DAAM1: variants seen among roughly 807,000 people sequenced by gnomAD.
DAAM1 encodes dishevelled associated activator of morphogenesis 1.
A neutral mutation model predicts 130.0 loss-of-function variants in DAAM1; 52 were observed. That is an observed-to-expected ratio of 0.40 (90% CI 0.32 to 0.50). The LOEUF (loss-of-function observed/expected upper bound fraction) is 0.50. Among genes scored for constraint, DAAM1 ranks in the 20% least tolerant of loss-of-function variants. The pLI is 0.61. For missense variants in DAAM1, 1,134 were observed against 1,303.8 expected (o/e 0.87, Z 2.01); for synonymous variants, 452 against 444.5 (o/e 1.02, Z -0.21).
At chr14:59,298,736 A>G (rs1884053561) in intron 3 of DAAM1, among the ~76,000 whole-genome samples, 1 of 152,180 alleles carries the variant, frequency 6.6e-6, no homozygotes, top group African/African-American at 2.4e-5. Flanking sequence ...TGGTTTTTGA[A>G]TATTTATTTG....
intron 2 of DAAM1, chr14:59,264,141 T>G (rs147007864): frequency 5.0e-6 from 1 of 198,224 alleles, no homozygotes; most frequent in African/African-American, 2.3e-5. Context: ...ACATTATTAC[T>G]TCAGTACAGC....
chr14:59,281,360 A>G (rs556415552), intron 2 of DAAM1, among the ~76,000 whole-genome samples: 2 of 152,246 alleles, frequency 1.3e-5, no homozygotes, highest in African/African-American at 4.8e-5. Context: ...TTCTGCTCCA[A>G]AGGTGAAGTG....
intron 1 of DAAM1, among the ~76,000 whole-genome samples, chr14:59,232,844 C>T (rs979229534): frequency 3.3e-5 from 5 of 151,964 alleles, no homozygotes; most frequent in Non-Finnish European, 7.4e-5. Flanking sequence ...CTCCCTGTGT[C>T]ACGTATTCTC....
intron 15 of DAAM1, 43 bp from the exon 16 acceptor site, chr14:59,340,031 G>A (rs769230095): frequency 6.4e-7 from 1 of 1,558,634 alleles, no homozygotes; most frequent in Non-Finnish European, 8.8e-7. Flanking sequence ...AAGTCTGAAT[G>A]TCCCTGTTGG....
chr14:59,324,490 T>C, intron 8 of DAAM1, 36 bp downstream of exon 8: 1 of 1,444,564 alleles, frequency 6.9e-7, no homozygotes, highest in Non-Finnish European at 9.4e-7. Flanking sequence ...AAAGTTTCTG[T>C]GTTTCCCATC....
chr14:59,305,844 A>G (rs778219227), intron 3 of DAAM1, among the ~76,000 whole-genome samples: 3 of 152,150 alleles, frequency 2.0e-5, no homozygotes, highest in East Asian at 1.9e-4. Flanking sequence ...AATAATAGCT[A>G]TGTGCTATTT....
chr14:59,228,913 G>A (rs1000023234), intron 1 of DAAM1, among the ~76,000 whole-genome samples: 2 of 152,202 alleles, frequency 1.3e-5, no homozygotes, highest in East Asian at 1.9e-4. Flanking sequence ...CTCTGTTTCC[G>A]TCTTTTCCCT....
At chr14:59,272,232 T>C (rs1028151510) in intron 2 of DAAM1, among the ~76,000 whole-genome samples, 1 of 152,210 alleles carries the variant, frequency 6.6e-6, no homozygotes, top group Non-Finnish European at 1.5e-5. Context: ...GAGAAAAGTT[T>C]TGTTTAGCTA....
At chr14:59,199,813 A>C (rs1888041577) in intron 1 of DAAM1, among the ~76,000 whole-genome samples, 1 of 152,144 alleles carries the variant, frequency 6.6e-6, no homozygotes, top group African/African-American at 2.4e-5. Flanking sequence ...TAGGATGTTT[A>C]ACAGCATCCC....
chr14:59,288,609 T>C (rs1017769027), intron 2 of DAAM1, among the ~76,000 whole-genome samples: 1 of 152,158 alleles, frequency 6.6e-6, no homozygotes, highest in African/African-American at 2.4e-5. Context: ...GAGACACTTC[T>C]GAAAAGAAGG....
chr14:59,330,284 T>TACAGA (rs112622523), intron 12 of DAAM1, among the ~76,000 whole-genome samples: 127,856 of 151,656 alleles, frequency 0.84, 54,030 homozygotes, highest in East Asian at 1. Context: ...TTCAGTCTCT[T>TACAGA]ACGTAGTTAA....
At position 59,190,087 on chromosome 14, in the gene DAAM1, A is replaced by G. The variant is rs146216010; in HGVS notation, c.-38+1319A>G. Among the ~76,000 whole-genome samples the G allele has an allele frequency of 4.0e-3, 608 of 152,164 alleles. 3 individuals are homozygous for G. The highest frequency in any genetic ancestry group is 0.014 in the African/African-American group (573 of 41,520). Reference sequence around the variant, plus strand: ...CCGCTGCCACTGCTGTTTCGATTCGATGTGGCTCTGCGGGCAGCTGGGAGG... The same window carrying G: ...CCGCTGCCACTGCTGTTTCGATTCGGTGTGGCTCTGCGGGCAGCTGGGAGG... On this transcript the variant is annotated intron_variant, in intron 1 of 24. Transcript: ENST00000360909.
intron 2 of DAAM1, among the ~76,000 whole-genome samples, chr14:59,280,581 T>C (rs1173828136): frequency 1.4e-5 from 2 of 138,480 alleles, no homozygotes; most frequent in Non-Finnish European, 3.1e-5. Context: ...GTCAGACTGC[T>C]TTTAAGTACT....
At chr14:59,348,865 C>T (rs1357964599) in intron 17 of DAAM1, among the ~76,000 whole-genome samples, 2 of 152,162 alleles carry the variant, frequency 1.3e-5, no homozygotes, top group African/African-American at 2.4e-5. Context: ...GCAACCTCTG[C>T]GGCTGGAATA....
intron 1 of DAAM1, among the ~76,000 whole-genome samples, chr14:59,211,551 A>T (rs1888426426): frequency 1.3e-5 from 2 of 152,224 alleles, no homozygotes; most frequent in African/African-American, 4.8e-5. Context: ...TAGCTTGCAA[A>T]AATGAATATT....
intron 3 of DAAM1, among the ~76,000 whole-genome samples, chr14:59,292,286 C>A (rs1176325032): frequency 6.6e-6 from 1 of 152,184 alleles, no homozygotes; most frequent in Non-Finnish European, 1.5e-5. Context: ...ATACAATAAT[C>A]CAATATTTTT....
intron 1 of DAAM1, among the ~76,000 whole-genome samples, chr14:59,222,154 G>GTAGGGAACA (rs1325692212): frequency 1.3e-5 from 2 of 152,182 alleles, no homozygotes; most frequent in Admixed American, 1.3e-4. Context: ...CTTTATGATG[G>GTAGGGAACA]TAGGGAACAT....
Position 59,291,313 on chromosome 14 carries a change from T to A in DAAM1, c.273+7T>A. 6.3e-7 allele frequency: 1 copy of A among 1,591,718 alleles called. No individual in the cohort carries two copies. Among genetic ancestry groups the A allele is most frequent in the Non-Finnish European group, 8.6e-7 (1 of 1,168,842 alleles). ...ATACTGTAGCAAGAAAAAGGTAAGATTTTCATTGTGATTATGGTTAACTGG... is the reference window on the plus strand; with the variant it reads ...ATACTGTAGCAAGAAAAAGGTAAGAATTTCATTGTGATTATGGTTAACTGG... On this transcript the variant is annotated splice_region_variant and intron_variant, in intron 3 of 24. Coordinates refer to ENST00000360909, the MANE Select transcript of DAAM1 (RefSeq NM_001270520.2).
At chr14:59,298,482 C>A (rs1884043988) in intron 3 of DAAM1, among the ~76,000 whole-genome samples, 2 of 152,184 alleles carry the variant, frequency 1.3e-5, no homozygotes, top group Non-Finnish European at 2.9e-5. Flanking sequence ...TGATGAGATG[C>A]CCTCGGTTTT....
Sources: allele counts gnomAD v4.1 joint callset (sites outside exome capture counted in the v4.1 genomes callset), GRCh38; gene constraint gnomAD v4.1.1; transcripts MANE v1.5; gene names NCBI Gene and HGNC (gene_info 2026-07-23, HGNC 2026-07-21).